The following ABI2 variants were observed in gnomAD, a reference collection of about 807,000 sequenced individuals.
ABI2 encodes the protein abl interactor 2.
A neutral mutation model predicts 59.2 loss-of-function variants in ABI2; 25 were observed. The observed-to-expected ratio is 0.42, with a 90% CI of 0.31 to 0.59. The LOEUF (loss-of-function observed/expected upper bound fraction) is 0.59, where lower values mean the gene tolerates loss of function less well. Among genes scored for constraint, ABI2 ranks in the 20% least tolerant of loss-of-function variants. The pLI is 0.14. For missense variants in ABI2, 545 were observed against 681.8 expected (o/e 0.80, Z 2.23); for synonymous variants, 213 against 235.5 (o/e 0.90, Z 0.87).
At chr2:203,354,720 G>A (rs1027834364) in intron 1 of ABI2, among the ~76,000 whole-genome samples, 1 of 152,188 alleles carries the variant, frequency 6.6e-6, no homozygotes, top group Non-Finnish European at 1.5e-5. Context: ...AGAGGCCCAG[G>A]TGATACTTGT....
intron 5 of ABI2, among the ~76,000 whole-genome samples, chr2:203,392,020 T>A (rs922806606): frequency 6.6e-6 from 1 of 152,120 alleles, no homozygotes; most frequent in Non-Finnish European, 1.5e-5. Flanking sequence ...GCCAGGTGAT[T>A]AAAATTCTGT....
chr2:203,338,948 A>G (rs1254103424), intron 1 of ABI2, among the ~76,000 whole-genome samples: 1,279 of 7,174 alleles, frequency 0.18, 127 homozygotes, highest in African/African-American at 0.35. Flanking sequence ...ATATATATAT[A>G]TATATATATA....
Position 203,404,886 on chromosome 2 carries a change from G to A in ABI2, c.1192+2152G>A, listed in dbSNP as rs574966176. On this transcript the variant is annotated intron_variant, in intron 9 of 11. Transcript: ENST00000261018. ...TACAGGGATATTTCATGCTTTGTTCGTGTATGCTCCAAAATAGTCCTATGA... is the reference window on the plus strand; with the variant it reads ...TACAGGGATATTTCATGCTTTGTTCATGTATGCTCCAAAATAGTCCTATGA... 3.1e-3 allele frequency among the ~76,000 whole-genome samples: 468 copies of A among 152,184 alleles called. 4 individuals carry two copies. Among genetic ancestry groups the A allele is most frequent in the African/African-American group, 8.2e-3 (339 of 41,530 alleles).
chr2:203,365,788 C>T (rs2094349991), intron 1 of ABI2, among the ~76,000 whole-genome samples: 2 of 151,840 alleles, frequency 1.3e-5, no homozygotes, highest in East Asian at 1.9e-4. Flanking sequence ...CGCCACCATG[C>T]CTGGCTAATT....
intron 2 of ABI2, among the ~76,000 whole-genome samples, chr2:203,373,498 G>C (rs181548087): frequency 7.1e-6 from 1 of 140,882 alleles, no homozygotes; most frequent in Non-Finnish European, 1.5e-5. Flanking sequence ...AGAGGGAGAG[G>C]GAGAGGGAGC....
At chr2:203,385,838 A>G (rs1012664380) in intron 4 of ABI2, among the ~76,000 whole-genome samples, 13 of 151,928 alleles carry the variant, frequency 8.6e-5, no homozygotes, top group Admixed American at 6.6e-5. Context: ...GTCCATCTTT[A>G]TTTCTCTTGT....
intron 8 of ABI2, among the ~76,000 whole-genome samples, chr2:203,397,400 T>C (rs1054577052): frequency 6.6e-6 from 1 of 152,240 alleles, no homozygotes; most frequent in African/African-American, 2.4e-5. Flanking sequence ...TTTAACAGAA[T>C]CTGTTGCTTA....
intron 1 of ABI2, among the ~76,000 whole-genome samples, chr2:203,351,362 T>C (rs1241988785): frequency 6.6e-6 from 1 of 152,190 alleles, no homozygotes; most frequent in Admixed American, 6.5e-5. Flanking sequence ...ATTTGTTAAT[T>C]TCTGCCACAA....
At chr2:203,375,987 C>A in intron 2 of ABI2, 1 of 1,204,320 alleles carries the variant, frequency 8.3e-7, no homozygotes, top group Non-Finnish European at 1.2e-6. Flanking sequence ...GCAAATTATA[C>A]CGTTGTTAGA....
intron 2 of ABI2, among the ~76,000 whole-genome samples, chr2:203,376,476 T>C (rs1577914410): frequency 2.6e-5 from 4 of 152,340 alleles, no homozygotes; most frequent in Admixed American, 2.6e-4. Context: ...TTCTGTATAC[T>C]TATGCTGTTT....
intron 11 of ABI2, 54 bp downstream of exon 11, chr2:203,417,135 G>T: frequency 7.0e-7 from 1 of 1,433,080 alleles, no homozygotes; most frequent in South Asian, 1.5e-5. Flanking sequence ...ACATAGAAAT[G>T]AAATTTGCGG....
rs1156536730 is a variant in ABI2 at position 203,408,833 on chromosome 2, C to CTT, written c.1193-2437_1193-2436dup. 1.4e-4 allele frequency among the ~76,000 whole-genome samples: 12 copies of CTT among 87,214 alleles called. 2 individuals carry two copies. Among genetic ancestry groups the CTT allele is most frequent in the Admixed American group, 3.2e-4 (2 of 6,236 alleles). The allele number at this position is 87,214 out of a possible 152,430, so 57.2% of individuals were successfully genotyped here. The stretch of plus-strand genomic sequence containing the variant: ...TTTTGTCTATGCTACCTTCTCCTTT[C>CTT]TTTTTTTTTTTTTTTTGAGACGGAG... On this transcript the variant is annotated intron_variant, in intron 9 of 11. Coordinates refer to ENST00000261018, the MANE Select transcript of ABI2 (RefSeq NM_001375670.1).
At chr2:203,371,618 A>G (rs1286952483) in intron 2 of ABI2, among the ~76,000 whole-genome samples, 2 of 152,192 alleles carry the variant, frequency 1.3e-5, no homozygotes, top group African/African-American at 4.8e-5. Flanking sequence ...TTGGAAGGAT[A>G]TTATTAAAAC....
At chr2:203,345,994 A>T (rs900210405) in intron 1 of ABI2, among the ~76,000 whole-genome samples, 1 of 151,774 alleles carries the variant, frequency 6.6e-6, no homozygotes, top group Non-Finnish European at 1.5e-5. Flanking sequence ...AGCCAGGACA[A>T]CATGGTGAAA....
intron 3 of ABI2, among the ~76,000 whole-genome samples, chr2:203,381,133 TAAA>T (rs889374697): frequency 2.0e-5 from 3 of 152,320 alleles, no homozygotes; most frequent in South Asian, 2.1e-4. Flanking sequence ...TAAACATACT[TAAA>T]AAACACTGTT....
At position 203,395,721 on chromosome 2, in the gene ABI2, G is replaced by T; in HGVS notation, c.791G>T (p.Ser264Ile). The change falls in exon 7 of 12, where the codon AGT (serine) becomes ATT (isoleucine). Residue 264 changes from serine to isoleucine, a missense_variant. Physicochemically the swap from Ser to Ile is moderately radical, Grantham distance 142. Transcript: ENST00000261018. ...SRSSSRENSGSGSVGVPIAVP... is the reference protein window; with the variant it reads ...SRSSSRENSGIGSVGVPIAVP... ...AGCAGCAGTCGAGAGAACAGTGGAA[G>T]TGGTAGTGTGGGGGTTCCTATTGCT... The T allele has an allele frequency of 6.2e-7, 1 of 1,612,130 alleles. No homozygotes were observed. The highest frequency in any genetic ancestry group is 8.5e-7 in the Non-Finnish European group (1 of 1,179,174).
rs1439377480 is a variant in ABI2, at chr2:203,429,830, TG to T, written c.*2480del. ...ACAACTATGCAGAAAACAGAGTTAG[TG>T]GCGGTCAGCAGGAATGCAGCTGGTC... On this transcript the variant is annotated 3_prime_UTR_variant, in exon 12 of 12. Coordinates refer to ENST00000261018, the MANE Select transcript of ABI2 (RefSeq NM_001375670.1). 6.6e-6 allele frequency: 1 copy of T among 151,070 alleles called. No homozygotes were observed. Among genetic ancestry groups the T allele is most frequent in the Non-Finnish European group, 1.5e-5 (1 of 67,984 alleles). The allele number at this position is 151,070 out of a possible 1,614,324, so 9.4% of individuals were successfully genotyped here.
intron 1 of ABI2, among the ~76,000 whole-genome samples, chr2:203,348,868 T>TA (rs546912414): frequency 1.4e-3 from 209 of 152,166 alleles, no homozygotes; most frequent in African/African-American, 4.8e-3. Flanking sequence ...AAAATTTTTT[T>TA]AAAAAATAGT....
rs1003565139 is a variant in ABI2 at position 203,346,323 on chromosome 2, C to G, written c.117+17692C>G. On this transcript the variant is annotated intron_variant, in intron 1 of 11. Transcript: ENST00000261018. ...GGTATCTTTTTCAGGTTTTTGCTAA[C>G]AACCACAAAAGACTATGTTTGTTTG... Among the ~76,000 whole-genome samples, 3 of 152,114 alleles carry G rather than the reference C, an allele frequency of 2.0e-5. No homozygotes were observed. The South Asian group carries it at 6.2e-4, about 32-fold the overall frequency.
Sources: gnomAD v4.1 joint callset for allele counts (sites outside exome capture counted in the v4.1 genomes callset) on GRCh38, gnomAD v4.1.1 for gene constraint, MANE v1.5 for transcripts, NCBI Gene and HGNC (gene_info 2026-07-23, HGNC 2026-07-21) for gene names.